Variants in SHISA6 observed in about 807,000 individuals in gnomAD.
SHISA6 encodes shisa family member 6, also known as protein shisa-6.
In SHISA6, 22 loss-of-function variants were observed where a neutral mutation model predicts 47.9. The observed-to-expected ratio is 0.46, with a 90% CI of 0.33 to 0.66. The LOEUF is 0.66. Among genes scored for constraint, SHISA6 ranks in the 30% least tolerant of loss-of-function variants. The probability of loss-of-function intolerance (pLI) is 0.02; values close to 1 mark genes in which losing one functional copy is unlikely to be tolerated. For synonymous variants in SHISA6, 388 were observed against 337.8 expected (o/e 1.15, Z -1.63); for missense variants, 680 against 764.6 (o/e 0.89, Z 1.30).
chr17:11,294,253 A>T (rs1259760417), intron 2 of SHISA6, among the ~76,000 whole-genome samples: 1 of 152,172 alleles, frequency 6.6e-6, no homozygotes, highest in Non-Finnish European at 1.5e-5. Flanking sequence ...ACCTTCAGAG[A>T]TACCCAAAGG....
At chr17:11,357,711 A>G (rs1912122434) in intron 2 of SHISA6, among the ~76,000 whole-genome samples, 1 of 152,210 alleles carries the variant, frequency 6.6e-6, no homozygotes, top group African/African-American at 2.4e-5. Flanking sequence ...GATCACATTT[A>G]GCTTGATTCT....
chr17:11,499,713 G>A (rs952545359), intron 3 of SHISA6, among the ~76,000 whole-genome samples: 7 of 72,274 alleles, frequency 9.7e-5, no homozygotes, highest in Non-Finnish European at 2.0e-4. Context: ...TGTTGTTGTT[G>A]TTGTTTGAGA....
At chr17:11,450,431 C>T (rs893157274) in intron 3 of SHISA6, among the ~76,000 whole-genome samples, 18 of 151,862 alleles carry the variant, frequency 1.2e-4, no homozygotes, top group Non-Finnish European at 1.8e-4. Context: ...CCGAGGTGGG[C>T]GGATCACCTG....
Position 11,241,554 on chromosome 17 carries a change from C to T in SHISA6, c.132C>T (p.Gly44=). Residue 44 remains glycine, a synonymous_variant, in exon 1 of 6, where the codon GGC becomes GGT. Transcript: ENST00000441885. This position sits in a 1 kb window ranked among gnomAD's most constrained non-coding sequence, Gnocchi z 5.5. ...GTGCAGGCGGCGCTGCCGTCGGGGGCCGGAGGGCCGGGGGCGCCCTGGCAC... is the reference window on the plus strand; with the variant it reads ...GTGCAGGCGGCGCTGCCGTCGGGGGTCGGAGGGCCGGGGGCGCCCTGGCAC... ...TLSAGGAAVG[G]RRAGGALARG... is the part of the protein sequence containing the mutation. 9.2e-7 allele frequency: 1 copy of T among 1,085,036 alleles called. No homozygotes were observed. The highest frequency in any genetic ancestry group is 1.1e-6 in the Non-Finnish European group (1 of 896,988). The allele number at this position is 1,085,036 out of a possible 1,614,324, so 67.2% of individuals were successfully genotyped here.
intron 3 of SHISA6, among the ~76,000 whole-genome samples, chr17:11,446,164 G>A (rs1421658240): frequency 1.3e-5 from 2 of 152,132 alleles, no homozygotes; most frequent in Non-Finnish European, 2.9e-5. Flanking sequence ...TCTTGAAAGA[G>A]GCACAAAAGT....
intron 3 of SHISA6, among the ~76,000 whole-genome samples, chr17:11,536,917 G>A (rs921972353): frequency 1.3e-5 from 2 of 152,178 alleles, no homozygotes; most frequent in African/African-American, 4.8e-5. Context: ...ATAACTTCAA[G>A]CAGAACAAAC....
At chr17:11,338,595 G>A (rs529598420) in intron 2 of SHISA6, among the ~76,000 whole-genome samples, 4 of 151,156 alleles carry the variant, frequency 2.6e-5, no homozygotes, top group African/African-American at 9.7e-5. Context: ...TTTTTTAGTA[G>A]AGATGGGGTT....
In SHISA6 at chr17:11,401,664, A is replaced by G. The variant is rs1008425298; in HGVS notation, c.895+22155A>G. Among the ~76,000 whole-genome samples the G allele has an allele frequency of 2.0e-5, 3 of 152,230 alleles. 1 individual carries two copies. Among genetic ancestry groups the G allele is most frequent in the Non-Finnish European group, 4.4e-5 (3 of 68,042 alleles). On this transcript the variant is annotated intron_variant, in intron 3 of 5. Transcript: ENST00000441885. Reference sequence around the variant, plus strand: ...TTTAAAAATTTGGTGTCTGGATACCAACAAAGATTTATTTATTTTTCTCAC... The same window carrying G: ...TTTAAAAATTTGGTGTCTGGATACCGACAAAGATTTATTTATTTTTCTCAC...
At chr17:11,365,364 G>A (rs11653466) in intron 2 of SHISA6, among the ~76,000 whole-genome samples, 29,754 of 151,908 alleles carry the variant, frequency 0.2, 3,084 homozygotes, top group Middle Eastern at 0.28. Context: ...TGCAACCTCT[G>A]CCTCCCAGAT....
chr17:11,241,548 CG>C lies in SHISA6; in HGVS notation c.131del (p.Gly44AlafsTer15). ...RTLSAGGAAV[G>X]GRRAGGALAR... ...CCCTGAGTGCAGGCGGCGCTGCCGT[CG>C]GGGGCCGGAGGGCCGGGGGCGCCCT... On this transcript the variant is annotated frameshift_variant, in exon 1 of 6. Transcript: ENST00000441885. LOFTEE classifies it high-confidence loss of function. The surrounding 1 kb of genome is among the most constrained non-coding windows in gnomAD (Gnocchi z 5.5). The C allele has an allele frequency of 3.7e-6, 4 of 1,085,184 alleles. No homozygotes were observed. Among genetic ancestry groups the C allele is most frequent in the South Asian group, 3.9e-5 (1 of 25,486 alleles). The allele number at this position is 1,085,184 out of a possible 1,614,324, so 67.2% of individuals were successfully genotyped here. A position where few individuals can be genotyped will look rare whatever the true frequency, so the allele number is the denominator to read the frequency against.
At chr17:11,534,858 G>A (rs751904423) in intron 3 of SHISA6, among the ~76,000 whole-genome samples, 5 of 152,220 alleles carry the variant, frequency 3.3e-5, no homozygotes, top group Admixed American at 6.5e-5. Context: ...GGCCAGGAGC[G>A]GTGGCACATG....
intron 2 of SHISA6, among the ~76,000 whole-genome samples, chr17:11,363,355 A>G (rs944299019): frequency 1.3e-5 from 2 of 152,162 alleles, no homozygotes; most frequent in African/African-American, 4.8e-5. Context: ...AGGAAAGAAC[A>G]TTAACCAGAC....
chr17:11,550,414 T>C (rs186572704), intron 3 of SHISA6, among the ~76,000 whole-genome samples: 15 of 152,206 alleles, frequency 9.9e-5, no homozygotes, highest in Non-Finnish European at 2.1e-4. Context: ...ATGATTCCAT[T>C]GGTTTGGGAA....
intron 2 of SHISA6, among the ~76,000 whole-genome samples, chr17:11,276,265 G>C (rs974721068): frequency 6.6e-6 from 1 of 152,010 alleles, no homozygotes; most frequent in Non-Finnish European, 1.5e-5. Context: ...GGTGTGAGCC[G>C]TTGCACCTGG....
intron 3 of SHISA6, among the ~76,000 whole-genome samples, chr17:11,488,981 C>A (rs1916413781): frequency 6.6e-6 from 1 of 152,182 alleles, no homozygotes; most frequent in African/African-American, 2.4e-5. Flanking sequence ...GAGTCTGTTT[C>A]TGAAGCTGTC....
At chr17:11,365,273 AATT>A (rs918710064) in intron 2 of SHISA6, among the ~76,000 whole-genome samples, 4 of 151,680 alleles carry the variant, frequency 2.6e-5, no homozygotes, top group African/African-American at 4.8e-5. Context: ...TATTGGTTGA[AATT>A]ATTATTATTA....
At chr17:11,317,510 A>G (rs974437855) in intron 2 of SHISA6, among the ~76,000 whole-genome samples, 2 of 151,996 alleles carry the variant, frequency 1.3e-5, no homozygotes, top group Non-Finnish European at 2.9e-5. Flanking sequence ...ACATAAATAC[A>G]CATATGTATA....
intron 2 of SHISA6, among the ~76,000 whole-genome samples, chr17:11,350,182 A>T (rs147509236): frequency 0.2 from 22,829 of 115,452 alleles, 2,716 homozygotes; most frequent in East Asian, 0.26. Flanking sequence ...TTATTTATTT[A>T]TTTTTTTTTT....
At chr17:11,524,414 A>T (rs1014572508) in intron 3 of SHISA6, among the ~76,000 whole-genome samples, 1 of 152,164 alleles carries the variant, frequency 6.6e-6, no homozygotes, top group Non-Finnish European at 1.5e-5. Flanking sequence ...ATGTTTTTAA[A>T]AACCAAGGTA....
Sources: allele counts gnomAD v4.1 joint callset (sites outside exome capture counted in the v4.1 genomes callset), GRCh38; gene constraint gnomAD v4.1.1; non-coding constraint Gnocchi (gnomAD v3.1); transcripts MANE v1.5; gene names NCBI Gene and HGNC (gene_info 2026-07-23, HGNC 2026-07-21).